The following ADARB1 variants were observed in gnomAD, a reference collection of about 807,000 sequenced individuals.
ADARB1 encodes adenosine deaminase RNA specific B1, also known as double-stranded RNA-specific editase 1.
A neutral mutation model predicts 52.4 loss-of-function variants in ADARB1; 10 were observed. The ratio of observed to expected loss-of-function variants is 0.19; its 90% confidence interval spans 0.12 to 0.32. The LOEUF (loss-of-function observed/expected upper bound fraction) is 0.32. ADARB1 is among the 10% of genes least tolerant of loss of function. The pLI is 1.00. For synonymous variants in ADARB1, 349 were observed against 371.1 expected (o/e 0.94, Z 0.68); for missense variants, 643 against 922.3 (o/e 0.70, Z 3.92).
intron 8 of ADARB1, among the ~76,000 whole-genome samples, chr21:45,196,094 A>C (rs1436382176): frequency 6.6e-6 from 1 of 152,124 alleles, no homozygotes; most frequent in African/African-American, 2.4e-5. Flanking sequence ...ACTTATACAG[A>C]TCTTGTACAT....
rs758262178 is a variant in ADARB1 at position 45,176,127 on chromosome 21, C to T, written c.426C>T (p.Phe142=). The change falls in exon 4 of 11, where the codon TTC becomes TTT. Residue 142 remains phenylalanine, a synonymous_variant. Coordinates refer to ENST00000348831, the MANE Select transcript of ADARB1 (RefSeq NM_001112.4). The surrounding 1 kb of genome is among the most constrained non-coding windows in gnomAD (Gnocchi z 5.8). Reference sequence around the variant, plus strand: ...CTGCTGAGAAGGCCTTGAGGTCTTTCGTTCAGTTTCCTAATGCCTCTGAGG... The same window carrying T: ...CTGCTGAGAAGGCCTTGAGGTCTTTTGTTCAGTTTCCTAATGCCTCTGAGG... The part of the protein sequence containing the change: ...LHAAEKALRS[F]VQFPNASEAH... 36 of 1,613,902 alleles carry T rather than the reference C, an allele frequency of 2.2e-5. No individual in the cohort carries two copies. The highest frequency in any genetic ancestry group is 2.7e-5 in the Non-Finnish European group (32 of 1,179,984).
Position 45,074,611 on chromosome 21 carries a change from G to GGCGGCGGCGGCGGCA in ADARB1, c.-391_-390insGGCAGCGGCGGCGGC, listed in dbSNP as rs1555882613. 3.3e-5 allele frequency: 5 copies of GGCGGCGGCGGCGGCA among 149,320 alleles called. No homozygotes were observed. The highest frequency in any genetic ancestry group is 2.7e-4 in the Admixed American group (4 of 14,736). 9.2% of individuals were successfully genotyped at this position (149,320 alleles called of 1,614,324 possible). ...CTGAGGCGGCCGTGGCGGCGGCGGC[G>GGCGGCGGCGGCGGCA]GCGGCGGCGGCAGCGGCGGCCAAGC... is the stretch of plus-strand genomic sequence containing the variant. On this transcript the variant is annotated 5_prime_UTR_variant, in exon 1 of 11. Coordinates refer to ENST00000348831, the MANE Select transcript of ADARB1 (RefSeq NM_001112.4).
chr21:45,188,385 G>A (rs2092177191), intron 8 of ADARB1, among the ~76,000 whole-genome samples: 1 of 152,174 alleles, frequency 6.6e-6, no homozygotes, highest in African/African-American at 2.4e-5. Flanking sequence ...GGGATTACAG[G>A]CATGAGCCAC....
At chr21:45,215,556 G>A (rs1385968368) in intron 9 of ADARB1, among the ~76,000 whole-genome samples, 1 of 152,096 alleles carries the variant, frequency 6.6e-6, no homozygotes, top group Non-Finnish European at 1.5e-5. Context: ...GAGCCCTGGA[G>A]TTTGAGGCCA....
chr21:45,222,607 G>A lies in ADARB1; in HGVS notation c.*410G>A. 1.0e-6 allele frequency: 1 copy of A among 1,001,776 alleles called. No homozygotes were observed. Among genetic ancestry groups the A allele is most frequent in the Non-Finnish European group, 1.2e-6 (1 of 841,194 alleles). 62.1% of individuals were successfully genotyped at this position (1,001,776 alleles called of 1,614,324 possible). A position where few individuals can be genotyped will look rare whatever the true frequency, so the allele number is the denominator to read the frequency against. ...AGCTAGGAATGTGGTTTATAAAATA[G>A]GAAGTAATTGTGTCAGGTCACTTTT... On this transcript the variant is annotated 3_prime_UTR_variant, in exon 11 of 11. Coordinates refer to ENST00000348831, the MANE Select transcript of ADARB1 (RefSeq NM_001112.4).
chr21:45,125,628 A>G (rs1302142394), intron 1 of ADARB1, among the ~76,000 whole-genome samples: 1 of 152,256 alleles, frequency 6.6e-6, no homozygotes, highest in Non-Finnish European at 1.5e-5. Flanking sequence ...ATCTTCCCAC[A>G]CAAGGACAGG....
chr21:45,167,014 T>C (rs2091279379), intron 2 of ADARB1, among the ~76,000 whole-genome samples: 1 of 152,222 alleles, frequency 6.6e-6, no homozygotes, highest in Non-Finnish European at 1.5e-5. Flanking sequence ...CTCTGTGAAA[T>C]GTGCTAAAGT....
chr21:45,153,635 G>T (rs1398296759), intron 2 of ADARB1, among the ~76,000 whole-genome samples: 3 of 152,324 alleles, frequency 2.0e-5, no homozygotes, highest in African/African-American at 7.2e-5. Context: ...CTCAAAGTCA[G>T]CAATCTTGTA....
At chr21:45,153,127 C>T (rs2090384754) in intron 2 of ADARB1, among the ~76,000 whole-genome samples, 1 of 152,164 alleles carries the variant, frequency 6.6e-6, no homozygotes, top group African/African-American at 2.4e-5. Flanking sequence ...GGCTGAGCAA[C>T]CATTGTGAAA....
chr21:45,173,757 G>A (rs1275653466), intron 3 of ADARB1, among the ~76,000 whole-genome samples: 2 of 151,240 alleles, frequency 1.3e-5, no homozygotes, highest in African/African-American at 2.4e-5. Context: ...TTTGAGCACC[G>A]AAAGGAGTAA....
intron 2 of ADARB1, among the ~76,000 whole-genome samples, chr21:45,164,604 C>A (rs1444324320): frequency 6.6e-6 from 1 of 152,076 alleles, no homozygotes; most frequent in African/African-American, 2.4e-5. Context: ...TCTGATGAAG[C>A]CTTGCGCGAG....
chr21:45,151,993 A>G (rs2090316308), intron 2 of ADARB1, among the ~76,000 whole-genome samples: 1 of 152,220 alleles, frequency 6.6e-6, no homozygotes, highest in African/African-American at 2.4e-5. Flanking sequence ...GGTCCGAGAC[A>G]CGTGAGTTAA....
At chr21:45,186,922 T>A (rs2146235075) in intron 8 of ADARB1, among the ~76,000 whole-genome samples, 1 of 152,352 alleles carries the variant, frequency 6.6e-6, no homozygotes, top group South Asian at 2.1e-4. Context: ...GCTGTTTTGA[T>A]TACTGTAGCT....
At chr21:45,170,467 T>C (rs1456298206) in intron 2 of ADARB1, among the ~76,000 whole-genome samples, 1 of 152,192 alleles carries the variant, frequency 6.6e-6, no homozygotes. Flanking sequence ...TGGAAAACTT[T>C]GTTGAATAAA....
chr21:45,102,047 CA>C (rs1301925787), intron 1 of ADARB1, among the ~76,000 whole-genome samples: 1 of 152,152 alleles, frequency 6.6e-6, no homozygotes, highest in Non-Finnish European at 1.5e-5. Context: ...CGCACTACCA[CA>C]CCCAGCTAAC....
At chr21:45,133,893 G>A (rs1335009148) in intron 2 of ADARB1, among the ~76,000 whole-genome samples, 3 of 123,742 alleles carry the variant, frequency 2.4e-5, no homozygotes, top group African/African-American at 9.3e-5. Flanking sequence ...TGGTGTGTGC[G>A]CCCGACGGGG....
chr21:45,134,296 G>GCA (rs2089208502), intron 2 of ADARB1, among the ~76,000 whole-genome samples: 1 of 100,552 alleles, frequency 9.9e-6, no homozygotes, highest in African/African-American at 3.7e-5. Context: ...GGGGGTGTGT[G>GCA]CCCGACAGTG....
intron 6 of ADARB1, among the ~76,000 whole-genome samples, chr21:45,183,149 C>G (rs911172010): frequency 6.6e-6 from 1 of 152,142 alleles, no homozygotes; most frequent in Non-Finnish European, 1.5e-5. Context: ...GTTCTGAAGT[C>G]ATAAATTGGA....
chr21:45,161,847 C>A (rs8130097), intron 2 of ADARB1, among the ~76,000 whole-genome samples: 12,340 of 152,190 alleles, frequency 0.081, 590 homozygotes, highest in East Asian at 0.15. Context: ...CCCATAAAAA[C>A]CCCCGGACTC....
Sources: allele counts gnomAD v4.1 joint callset (sites outside exome capture counted in the v4.1 genomes callset), GRCh38; gene constraint gnomAD v4.1.1; non-coding constraint Gnocchi (gnomAD v3.1); transcripts MANE v1.5; gene names NCBI Gene and HGNC (gene_info 2026-07-23, HGNC 2026-07-21).